Variants in NCKAP5 observed in about 807,000 individuals in gnomAD.
NCKAP5 encodes the protein nck-associated protein 5.
A neutral mutation model predicts 167.0 loss-of-function variants in NCKAP5; 92 were observed. The ratio of observed to expected loss-of-function variants is 0.55; its 90% CI spans 0.47 to 0.66. The LOEUF (loss-of-function observed/expected upper bound fraction) is 0.66, where lower values mean the gene tolerates loss of function less well. Among genes scored for constraint, NCKAP5 ranks in the 30% least tolerant of loss-of-function variants. NCKAP5 has a pLI of 0.00. For missense variants in NCKAP5, 2,378 were observed against 2,315.0 expected (o/e 1.03, Z -0.56); for synonymous variants, 891 against 877.4 (o/e 1.02, Z -0.27).
At chr2:133,479,932 CT>C (rs11368084) in intron 3 of NCKAP5, among the ~76,000 whole-genome samples, 24,904 of 133,394 alleles carry the variant, frequency 0.19, 2,750 homozygotes, top group African/African-American at 0.39. Context: ...TTTCTTTTTC[CT>C]TTTTTTTTTT....
intron 16 of NCKAP5, among the ~76,000 whole-genome samples, chr2:132,742,690 A>G (rs1247851958): frequency 6.6e-6 from 1 of 151,946 alleles, no homozygotes; most frequent in Admixed American, 6.6e-5. Context: ...TTTTTCAATT[A>G]TATGCAGAAA....
At chr2:132,792,219 G>A (rs978296749) in intron 12 of NCKAP5, among the ~76,000 whole-genome samples, 1 of 152,150 alleles carries the variant, frequency 6.6e-6, no homozygotes, top group African/African-American at 2.4e-5. Context: ...ATCTAAAAAT[G>A]CCAAGAAATT....
At chr2:133,062,147 T>A (rs1445676591) in intron 6 of NCKAP5, among the ~76,000 whole-genome samples, 2 of 152,230 alleles carry the variant, frequency 1.3e-5, no homozygotes, top group Admixed American at 6.5e-5. Flanking sequence ...GGAATTATAA[T>A]GGACATGGTA....
At chr2:133,510,456 G>A (rs996555736) in intron 3 of NCKAP5, among the ~76,000 whole-genome samples, 14 of 152,160 alleles carry the variant, frequency 9.2e-5, no homozygotes, top group Non-Finnish European at 1.9e-4. Context: ...TTGGTTCCAA[G>A]GTCTGGTTCA....
At chr2:132,964,746 C>G (rs1161768502) in intron 7 of NCKAP5, among the ~76,000 whole-genome samples, 1 of 152,038 alleles carries the variant, frequency 6.6e-6, no homozygotes, top group South Asian at 2.1e-4. Context: ...ACCATCTGAA[C>G]AAAACTGGAT....
At chr2:133,669,330 T>G in the NCKAP5 span, among the ~76,000 whole-genome samples, 2 of 152,178 alleles carry the variant, frequency 1.3e-5, no homozygotes, top group Non-Finnish European at 1.5e-5. Flanking sequence ...TTGGCCATTT[T>G]TGTCAGTGCT....
At chr2:132,704,504 C>A (rs1688172656) in intron 19 of NCKAP5, among the ~76,000 whole-genome samples, 1 of 152,158 alleles carries the variant, frequency 6.6e-6, no homozygotes, top group South Asian at 2.1e-4. Context: ...CTGTGCATTC[C>A]CACCAATAAC....
At chr2:133,468,801 A>T (rs899777342) in intron 3 of NCKAP5, among the ~76,000 whole-genome samples, 6 of 152,166 alleles carry the variant, frequency 3.9e-5, no homozygotes, top group African/African-American at 1.4e-4. Flanking sequence ...TGTTGGTTTA[A>T]AGTCTGTTTT....
At chr2:132,851,055 G>C (rs1475124502) in intron 11 of NCKAP5, among the ~76,000 whole-genome samples, 1 of 151,522 alleles carries the variant, frequency 6.6e-6, no homozygotes, top group Non-Finnish European at 1.5e-5. Flanking sequence ...TCTTGATTTT[G>C]AGATGTTAGG....
chr2:132,688,291 A>G (rs1686226770), intron 19 of NCKAP5, among the ~76,000 whole-genome samples: 1 of 152,182 alleles, frequency 6.6e-6, no homozygotes, highest in Non-Finnish European at 1.5e-5. Flanking sequence ...CTCCCAATGA[A>G]TGTTGTAAAT....
chr2:133,525,551 GGAAGAGAGGTCAGA>G (rs1478583380), intron 2 of NCKAP5, among the ~76,000 whole-genome samples: 5 of 152,282 alleles, frequency 3.3e-5, no homozygotes, highest in African/African-American at 7.2e-5. Flanking sequence ...AAGTTTCTTA[GGAAGAGAGGTCAGA>G]GAAGAGAGGT....
chr2:132,916,392 A>G (rs1030626395), intron 8 of NCKAP5, among the ~76,000 whole-genome samples: 3 of 152,004 alleles, frequency 2.0e-5, no homozygotes, highest in African/African-American at 7.2e-5. Flanking sequence ...TCATTATGTA[A>G]CCATTAAAGT....
At chr2:133,424,957 T>C (rs2030371780) in intron 3 of NCKAP5, among the ~76,000 whole-genome samples, 2 of 152,262 alleles carry the variant, frequency 1.3e-5, no homozygotes, top group South Asian at 4.1e-4. Flanking sequence ...TTGTAATTGA[T>C]GTTTTCTGGG....
intron 1 of NCKAP5, among the ~76,000 whole-genome samples, chr2:133,560,190 T>G (rs1183060306): frequency 1.3e-5 from 2 of 152,188 alleles, no homozygotes; most frequent in African/African-American, 4.8e-5. Flanking sequence ...GGTATAAACA[T>G]GAATATTTTC....
chr2:132,782,329 G>C lies in NCKAP5; in HGVS notation c.4482C>G (p.Thr1494=). 1 of 1,614,032 alleles carries C rather than the reference G, an allele frequency of 6.2e-7. No homozygotes were observed. Among genetic ancestry groups the C allele is most frequent in the Non-Finnish European group, 8.5e-7 (1 of 1,179,912 alleles). ...VEKGQVQTKP[T]SVEAKQKPGP... ...CAGGCTTCTGCTTTGCTTCCACAGA[G>C]GTGGGCTTTGTTTGCACTTGGCCCT... The change falls in exon 14 of 20, where the codon ACC becomes ACG. Residue 1494 remains threonine, a synonymous_variant. Transcript: ENST00000409261.
chr2:132,673,517 G>A lies in NCKAP5; in HGVS notation c.5714-212C>T, dbSNP rs188135057. On this transcript the variant is annotated intron_variant, in intron 19 of 19. Transcript: ENST00000409261. ...TTAATCATTTTACTGAGATAAATAG[G>A]TCCCAATTTGCAAATTAAGTGCCAC... 3.2e-3 allele frequency among the ~76,000 whole-genome samples: 483 copies of A among 152,048 alleles called. 3 individuals carry two copies. The highest frequency in any genetic ancestry group is 0.011 in the African/African-American group (471 of 41,468).
At chr2:133,544,555 G>A (rs1004540483) in intron 2 of NCKAP5, among the ~76,000 whole-genome samples, 4 of 152,000 alleles carry the variant, frequency 2.6e-5, no homozygotes, top group African/African-American at 4.8e-5. Context: ...ATGATGACTC[G>A]GGCTCCATCG....
chr2:133,405,565 T>A (rs1261284160), intron 3 of NCKAP5, among the ~76,000 whole-genome samples: 1 of 152,214 alleles, frequency 6.6e-6, no homozygotes, highest in African/African-American at 2.4e-5. Context: ...ATGGGGAGAC[T>A]TCAAATTTTT....
intron 5 of NCKAP5, among the ~76,000 whole-genome samples, chr2:133,198,621 G>A (rs1455055942): frequency 6.6e-6 from 1 of 152,036 alleles, no homozygotes; most frequent in Non-Finnish European, 1.5e-5. Flanking sequence ...ATCAAATATT[G>A]CTGAGAGATA....
Sources: gnomAD v4.1 joint callset for allele counts (sites outside exome capture counted in the v4.1 genomes callset) on GRCh38, gnomAD v4.1.1 for gene constraint, MANE v1.5 for transcripts, NCBI Gene and HGNC (gene_info 2026-07-23, HGNC 2026-07-21) for gene names.